The following IQCJ variants were observed in gnomAD, a reference collection of about 807,000 sequenced individuals.
IQCJ encodes the protein IQ motif containing J.
In IQCJ, 9 loss-of-function variants were observed where a neutral mutation model predicts 11.0. The ratio of observed to expected loss-of-function variants is 0.82; its 90% CI spans 0.49 to 1.43. The LOEUF is 1.43. Ranked by LOEUF, IQCJ falls within the 40% of genes most tolerant of loss-of-function variation. The pLI is 0.00. For synonymous variants in IQCJ, 55 were observed against 51.3 expected, an observed-to-expected ratio of 1.07 and a Z score of -0.31; for missense variants, 146 against 133.2, an observed-to-expected ratio of 1.10 and a Z score of -0.47.
At chr3:159,205,754 C>G (rs1477322507) in intron 1 of IQCJ, among the ~76,000 whole-genome samples, 1 of 152,122 alleles carries the variant, frequency 6.6e-6, no homozygotes, top group Non-Finnish European at 1.5e-5. Context: ...CATGTGAGTA[C>G]TCTTTGTGAC....
chr3:159,221,715 T>G (rs56794023), intron 1 of IQCJ, among the ~76,000 whole-genome samples: 2,495 of 152,030 alleles, frequency 0.016, 73 homozygotes, highest in African/African-American at 0.057. Flanking sequence ...GCCTTACCAG[T>G]GCAGTTTTAA....
intron 1 of IQCJ, among the ~76,000 whole-genome samples, chr3:159,084,249 TAA>T (rs3029980): frequency 8.7e-5 from 13 of 149,738 alleles, no homozygotes; most frequent in Non-Finnish European, 1.3e-4. Context: ...TAAAAATAAG[TAA>T]AAAAAAAAAT....
intron 1 of IQCJ, among the ~76,000 whole-genome samples, chr3:159,137,658 G>T (rs1203563688): frequency 6.6e-6 from 1 of 152,052 alleles, no homozygotes; most frequent in Non-Finnish European, 1.5e-5. Context: ...TAAGTATCAT[G>T]ACCATATACC....
intron 1 of IQCJ, among the ~76,000 whole-genome samples, chr3:159,186,393 G>A (rs371466176): frequency 2.0e-5 from 3 of 152,224 alleles, no homozygotes; most frequent in East Asian, 3.9e-4. Context: ...TTCAAATATG[G>A]TGTTTCACAT....
chr3:159,104,549 C>G (rs573124685), intron 1 of IQCJ, among the ~76,000 whole-genome samples: 5 of 152,304 alleles, frequency 3.3e-5, no homozygotes, highest in African/African-American at 1.2e-4. Flanking sequence ...ATTACTTCTA[C>G]TACTGCATAG....
At chr3:159,088,784 C>G (rs938137904) in intron 1 of IQCJ, among the ~76,000 whole-genome samples, 5 of 152,118 alleles carry the variant, frequency 3.3e-5, no homozygotes, top group African/African-American at 1.2e-4. Context: ...AGATCTTCCT[C>G]CATCCTTTTA....
At chr3:159,160,092 G>T (rs528538320) in intron 1 of IQCJ, among the ~76,000 whole-genome samples, 13 of 152,288 alleles carry the variant, frequency 8.5e-5, no homozygotes, top group African/African-American at 3.1e-4. Flanking sequence ...GCTATCAAGA[G>T]AGACAGTTTC....
intron 1 of IQCJ, among the ~76,000 whole-genome samples, chr3:159,117,542 G>A (rs1210803925): frequency 1.3e-5 from 2 of 152,164 alleles, no homozygotes; most frequent in Non-Finnish European, 2.9e-5. Flanking sequence ...GCATAGCAAA[G>A]TGATTAAAAT....
At chr3:159,191,711 A>C (rs2365483) in intron 1 of IQCJ, among the ~76,000 whole-genome samples, 25,364 of 152,128 alleles carry the variant, frequency 0.17, 2,297 homozygotes, top group Admixed American at 0.22. Flanking sequence ...GCCTGACAGC[A>C]TCCCCCTAAG....
At chr3:159,130,815 C>A (rs1035202389) in intron 1 of IQCJ, among the ~76,000 whole-genome samples, 2 of 152,076 alleles carry the variant, frequency 1.3e-5, no homozygotes, top group African/African-American at 2.4e-5. Context: ...AGCAATAAAG[C>A]ATAATTTAGT....
At chr3:159,131,651 C>T (rs1044227576) in intron 1 of IQCJ, among the ~76,000 whole-genome samples, 4 of 152,058 alleles carry the variant, frequency 2.6e-5, no homozygotes, top group African/African-American at 7.2e-5. Flanking sequence ...GGATGCCTCA[C>T]CATCCCTTAC....
intron 1 of IQCJ, among the ~76,000 whole-genome samples, chr3:159,127,732 T>C (rs2108154175): frequency 6.6e-6 from 1 of 152,258 alleles, no homozygotes; most frequent in Non-Finnish European, 1.5e-5. Flanking sequence ...AAATATAGCG[T>C]GAACTATTAT....
intron 1 of IQCJ, among the ~76,000 whole-genome samples, chr3:159,116,630 A>C (rs1315307580): frequency 7.4e-5 from 2 of 27,148 alleles, no homozygotes; most frequent in Non-Finnish European, 6.8e-5. Flanking sequence ...ATATATATAT[A>C]TATATATATA....
chr3:159,259,169 G>A (rs918985371), intron 3 of IQCJ, among the ~76,000 whole-genome samples: 5 of 152,052 alleles, frequency 3.3e-5, no homozygotes, highest in Admixed American at 1.3e-4. Flanking sequence ...AGAGCCAACC[G>A]CACTGCAAAA....
At chr3:159,163,440 A>G (rs935779664) in intron 1 of IQCJ, among the ~76,000 whole-genome samples, 6 of 152,318 alleles carry the variant, frequency 3.9e-5, no homozygotes, top group South Asian at 2.1e-4. Context: ...AATAAGAGCT[A>G]TCTATGACAA....
intron 1 of IQCJ, among the ~76,000 whole-genome samples, chr3:159,092,619 A>C (rs1053919424): frequency 2.7e-5 from 4 of 150,860 alleles, no homozygotes; most frequent in Non-Finnish European, 5.9e-5. Flanking sequence ...AATGGTGTGA[A>C]CCTGGGAGGC....
chr3:159,114,145 A>T (rs1366534389), intron 1 of IQCJ, among the ~76,000 whole-genome samples: 1 of 152,160 alleles, frequency 6.6e-6, no homozygotes, highest in Middle Eastern at 3.2e-3. Context: ...TTGAGGAAGG[A>T]TGGAAGCTGA....
intron 1 of IQCJ, among the ~76,000 whole-genome samples, chr3:159,091,650 A>G (rs1272782018): frequency 3.1e-5 from 1 of 32,676 alleles, no homozygotes; most frequent in Non-Finnish European, 6.3e-5. Context: ...GGGTATTTAC[A>G]CACACACACA....
At chr3:159,094,660 C>A (rs975830728) in intron 1 of IQCJ, among the ~76,000 whole-genome samples, 4 of 151,552 alleles carry the variant, frequency 2.6e-5, no homozygotes, top group Non-Finnish European at 2.9e-5. Flanking sequence ...ACAGGGAATC[C>A]TTGTGAATCC....
Sources: gnomAD v4.1 joint callset for allele counts (sites outside exome capture counted in the v4.1 genomes callset) on GRCh38, gnomAD v4.1.1 for gene constraint, MANE v1.5 for transcripts, NCBI Gene and HGNC (gene_info 2026-07-23, HGNC 2026-07-21) for gene names.